The following NCKAP1 variants were observed in gnomAD, a reference collection of about 807,000 sequenced individuals.
The protein encoded by NCKAP1 is nck-associated protein 1.
In NCKAP1, 21 loss-of-function variants were observed where a neutral mutation model predicts 151.2. The observed-to-expected ratio is 0.14, with a 90% CI of 0.10 to 0.20. The LOEUF (loss-of-function observed/expected upper bound fraction) is 0.20, where lower values mean the gene tolerates loss of function less well. NCKAP1 is among the 10% of genes least tolerant of loss of function. The pLI, the probability that NCKAP1 is intolerant of heterozygous loss-of-function variation, is 1.00. For missense variants in NCKAP1, 933 were observed against 1,352.1 expected, an observed-to-expected ratio of 0.69 and a Z score of 4.86; for synonymous variants, 484 against 451.8, an observed-to-expected ratio of 1.07 and a Z score of -0.90.
chr2:182,984,640 A>G (rs1172036186), intron 10 of NCKAP1, among the ~76,000 whole-genome samples: 1 of 151,828 alleles, frequency 6.6e-6, no homozygotes, highest in East Asian at 1.9e-4. Flanking sequence ...AAGATGCACA[A>G]TCTTTCATGA....
intron 2 of NCKAP1, among the ~76,000 whole-genome samples, chr2:183,011,431 TAC>T (rs1179299902): frequency 6.6e-6 from 1 of 152,240 alleles, no homozygotes; most frequent in Non-Finnish European, 1.5e-5. Context: ...TGTGCCCATT[TAC>T]AGTTAATCCT....
At chr2:182,947,281 T>C (rs1354119459) in intron 23 of NCKAP1, 2 of 152,140 alleles carry the variant, frequency 1.3e-5, no homozygotes, top group African/African-American at 4.8e-5. Flanking sequence ...GGGTGACTCA[T>C]TTCCAGTTCA....
intron 2 of NCKAP1, among the ~76,000 whole-genome samples, chr2:183,011,566 T>C (rs913289039): frequency 1.3e-5 from 2 of 152,230 alleles, no homozygotes; most frequent in African/African-American, 4.8e-5. Flanking sequence ...CTAGCTTCAC[T>C]TATTCATGTT....
At chr2:183,028,441 CTAATTA>C (rs1433069076) in intron 1 of NCKAP1, among the ~76,000 whole-genome samples, 2 of 151,906 alleles carry the variant, frequency 1.3e-5, no homozygotes, top group African/African-American at 2.4e-5. Flanking sequence ...CATGAATATT[CTAATTA>C]TAATATTTTA....
At position 182,913,023 on chromosome 2, in the gene NCKAP1, G is replaced by A. The variant is rs1696419661; in HGVS notation, c.*12679C>T. The A allele has an allele frequency of 6.6e-6, 1 of 152,202 alleles. No homozygotes were observed. Among genetic ancestry groups the A allele is most frequent in the African/African-American group, 2.4e-5 (1 of 41,458 alleles). 9.4% of individuals were successfully genotyped at this position (152,202 alleles called of 1,614,324 possible). A position where few individuals can be genotyped will look rare whatever the true frequency, so the allele number is the denominator to read the frequency against. On this transcript the variant is annotated 3_prime_UTR_variant, in exon 31 of 31. Coordinates refer to ENST00000361354, the MANE Select transcript of NCKAP1 (RefSeq NM_013436.5). Reference sequence around the variant, plus strand: ...AAACTTTCACTTGAGCCTCTGTTCAGTTTTGACGTTACCATGTTGAATAGT... The same window carrying A: ...AAACTTTCACTTGAGCCTCTGTTCAATTTTGACGTTACCATGTTGAATAGT...
chr2:182,944,979 A>C (rs1697070644), intron 23 of NCKAP1, among the ~76,000 whole-genome samples: 4 of 151,986 alleles, frequency 2.6e-5, no homozygotes, highest in African/African-American at 9.7e-5. Context: ...TCACACCTGT[A>C]ATCTCAGCAC....
chr2:182,942,905 G>A (rs993398273), intron 23 of NCKAP1, among the ~76,000 whole-genome samples: 3 of 151,986 alleles, frequency 2.0e-5, no homozygotes, highest in Non-Finnish European at 2.9e-5. Flanking sequence ...ACAATAAACC[G>A]AGTTTCTAAA....
intron 22 of NCKAP1, 127 bp downstream of exon 22, chr2:182,952,666 A>T: frequency 8.6e-7 from 1 of 1,169,004 alleles, no homozygotes; most frequent in Non-Finnish European, 1.2e-6. Flanking sequence ...ATTCTAAGAT[A>T]CAATATGCAG....
intron 20 of NCKAP1, among the ~76,000 whole-genome samples, chr2:182,953,795 TA>T (rs953540533): frequency 3.1e-4 from 45 of 147,010 alleles, no homozygotes; most frequent in African/African-American, 8.7e-4. Context: ...GAGACTGTCT[TA>T]AAAAAAAAAG....
chr2:182,967,265 C>T lies in NCKAP1; in HGVS notation c.1579G>A (p.Asp527Asn), dbSNP rs1227156901. Residue 527 changes from aspartate to asparagine, a missense_variant, in exon 16 of 31, where the codon GAT becomes AAT. Around this residue, in one of 2 missense-constraint regions of NCKAP1, gnomAD observed 607 missense variants for 795.0 expected, o/e 0.76. Transcript: ENST00000361354. Reference protein sequence around the residue: ...NTIIFHTKMVDSLVEMLVETS... With the variant: ...NTIIFHTKMVNSLVEMLVETS... ...TCCACCAACATTTCCACCAAGGAAT[C>T]TACCATTTTTGTATGAAAAATTATT... 6.2e-7 allele frequency: 1 copy of T among 1,612,250 alleles called. No homozygotes were observed. Among genetic ancestry groups the T allele is most frequent in the South Asian group, 1.1e-5 (1 of 90,544 alleles).
At chr2:182,997,905 T>A (rs1245751416) in intron 6 of NCKAP1, among the ~76,000 whole-genome samples, 2 of 152,142 alleles carry the variant, frequency 1.3e-5, no homozygotes, top group African/African-American at 4.8e-5. Context: ...ATATCCCTGA[T>A]GAACATAGAC....
At chr2:182,984,110 T>C (rs1036019176) in intron 10 of NCKAP1, among the ~76,000 whole-genome samples, 2 of 151,512 alleles carry the variant, frequency 1.3e-5, no homozygotes, top group Admixed American at 1.3e-4. Context: ...AATTAATAAA[T>C]AGAACTTAAG....
chr2:182,989,615 A>C (rs1209115807), intron 8 of NCKAP1, among the ~76,000 whole-genome samples: 1 of 152,132 alleles, frequency 6.6e-6, no homozygotes, highest in African/African-American at 2.4e-5. Context: ...GGGAGGTTGA[A>C]GTGGGAGGAT....
chr2:183,005,469 A>C (rs543340737), intron 2 of NCKAP1, among the ~76,000 whole-genome samples: 162 of 152,246 alleles, frequency 1.1e-3, no homozygotes, highest in African/African-American at 3.8e-3. Context: ...ACAACTACTT[A>C]ATGACAGAGC....
At chr2:182,977,672 CAG>C (rs1479505421) in intron 14 of NCKAP1, among the ~76,000 whole-genome samples, 1 of 151,908 alleles carries the variant, frequency 6.6e-6, no homozygotes, top group Non-Finnish European at 1.5e-5. Context: ...CTCACAGAAA[CAG>C]AAAGTTGAAT....
intron 4 of NCKAP1, 90 bp from the exon 5 acceptor site, chr2:183,002,359 A>G: frequency 1.1e-6 from 1 of 887,674 alleles, no homozygotes; most frequent in African/African-American, 1.7e-5. Flanking sequence ...TTGAGAGCTA[A>G]TAATTTTCTG....
intron 26 of NCKAP1, among the ~76,000 whole-genome samples, chr2:182,933,380 T>C (rs968646132): frequency 7.3e-6 from 1 of 137,812 alleles, no homozygotes; most frequent in African/African-American, 2.7e-5. Flanking sequence ...AAAGTTTGAG[T>C]GGCACCACAT....
chr2:182,947,721 G>A (rs1697135721), intron 23 of NCKAP1, among the ~76,000 whole-genome samples: 1 of 151,582 alleles, frequency 6.6e-6, no homozygotes, highest in Non-Finnish European at 1.5e-5. Flanking sequence ...CAAAAATTAG[G>A]TTATTCTAAG....
chr2:182,998,318 C>A (rs1489721607), intron 6 of NCKAP1, among the ~76,000 whole-genome samples: 8 of 152,038 alleles, frequency 5.3e-5, no homozygotes, highest in Non-Finnish European at 8.8e-5. Context: ...TTCTATTCAA[C>A]ATAGTACTGA....
Sources: gnomAD v4.1 joint callset for allele counts (sites outside exome capture counted in the v4.1 genomes callset) on GRCh38, gnomAD v4.1.1 for gene constraint, gnomAD v4.1.1 regional missense constraint, MANE v1.5 for transcripts, NCBI Gene and HGNC (gene_info 2026-07-23, HGNC 2026-07-21) for gene names.